Variants in TIMM44 observed in about 807,000 individuals in gnomAD.
The protein encoded by TIMM44 is mitochondrial import inner membrane translocase subunit TIM44.
A neutral mutation model predicts 63.8 loss-of-function variants in TIMM44; 37 were observed. That is an observed-to-expected ratio of 0.58 (90% CI 0.45 to 0.76). The LOEUF is 0.76. TIMM44 is among the 30% of genes least tolerant of loss of function. The pLI is 0.00. For missense variants in TIMM44, 573 were observed against 603.8 expected (o/e 0.95, Z 0.54); for synonymous variants, 239 against 245.1 (o/e 0.98, Z 0.23).
rs1451221219 is a variant in TIMM44, at chr19:7,933,718, C to T, written c.683+146G>A. On this transcript the variant is annotated intron_variant, in intron 6 of 12. Coordinates refer to ENST00000270538, the MANE Select transcript of TIMM44 (RefSeq NM_006351.4). The surrounding 1 kb of genome is among the most constrained non-coding windows in gnomAD (Gnocchi z 4.3). ...TGAGGACCCCGCCCTCACCTCTCAC[C>T]CTCAAATTCGAGGGAGCCGGGAACC... 7.2e-7 allele frequency: 1 copy of T among 1,393,420 alleles called. No individual in the cohort carries two copies. Among genetic ancestry groups the T allele is most frequent in the African/African-American group, 1.4e-5 (1 of 70,522 alleles). 86.3% of individuals were successfully genotyped at this position (1,393,420 alleles called of 1,614,324 possible).
intron 9 of TIMM44, 57 bp from the exon 10 acceptor site, chr19:7,931,245 C>T (rs959597222): frequency 9.9e-6 from 15 of 1,522,764 alleles, no homozygotes; most frequent in East Asian, 2.3e-5. Context: ...AGGCAGCAGG[C>T]GAGGTCCTGG....
rs745492097 is a variant in TIMM44, at chr19:7,927,780, CGA to C, written c.1129-15_1129-14del. 3.7e-6 allele frequency: 6 copies of C among 1,607,618 alleles called. No individual in the cohort carries two copies. In the African/African-American group the frequency reaches 5.3e-5, roughly 14 times the overall value. On this transcript the variant is annotated splice_polypyrimidine_tract_variant and intron_variant, in intron 11 of 12. Transcript: ENST00000270538. ...TGCCCATGGCCAGCTGCAGAGGGGC[CGA>C]GAGGGGGGATGTGCCTCAGAGGACA...
chr19:7,934,274 C>G lies in TIMM44; in HGVS notation c.394-36G>C. 1 of 1,606,134 alleles carries G rather than the reference C, an allele frequency of 6.2e-7. No individual in the cohort carries two copies. Among genetic ancestry groups the G allele is most frequent in the Non-Finnish European group, 8.5e-7 (1 of 1,179,638 alleles). On this transcript the variant is annotated intron_variant, in intron 4 of 12. Coordinates refer to ENST00000270538, the MANE Select transcript of TIMM44 (RefSeq NM_006351.4). The surrounding 1 kb of genome is among the most constrained non-coding windows in gnomAD (Gnocchi z 5.3). Reference sequence around the variant, plus strand: ...AGACACAGAGAGGGGGCGTTGGCACCGGCCCTGGCGGCCGGGGGGCGGGGC... The same window carrying G: ...AGACACAGAGAGGGGGCGTTGGCACGGGCCCTGGCGGCCGGGGGGCGGGGC...
Position 7,926,761 on chromosome 19 carries a change from C to A in TIMM44, c.*426G>T. Reference sequence around the variant, plus strand: ...TGTTTTATTCTTTCCAAATCTCAGGCTTATGCACAAGATGGAAGAGCACTG... The same window carrying A: ...TGTTTTATTCTTTCCAAATCTCAGGATTATGCACAAGATGGAAGAGCACTG... On this transcript the variant is annotated 3_prime_UTR_variant, in exon 13 of 13. Transcript: ENST00000270538. 1 of 257,170 alleles carries A rather than the reference C, an allele frequency of 3.9e-6. No individual in the cohort carries two copies. 15.9% of individuals were successfully genotyped at this position (257,170 alleles called of 1,614,324 possible).
Position 7,933,710 on chromosome 19 carries a change from C to T in TIMM44, c.684-140G>A. ...AGGGGCTCTGAGGACCCCGCCCTCA[C>T]CTCTCACCCTCAAATTCGAGGGAGC... On this transcript the variant is annotated intron_variant, in intron 6 of 12. Transcript: ENST00000270538. The surrounding 1 kb of genome is among the most constrained non-coding windows in gnomAD (Gnocchi z 4.3). 1 of 1,352,808 alleles carries T rather than the reference C, an allele frequency of 7.4e-7. No homozygotes were observed. The highest frequency in any genetic ancestry group is 1.0e-6 in the Non-Finnish European group (1 of 952,434). The allele number at this position is 1,352,808 out of a possible 1,614,324, so 83.8% of individuals were successfully genotyped here.
rs1984031386 is a variant in TIMM44, at chr19:7,932,964, G to C, written c.770-32C>G. On this transcript the variant is annotated intron_variant, in intron 7 of 12. Transcript: ENST00000270538. ...AAGATGGGGTAGGTGCTGGAGAAGG[G>C]GCCCCTTCCAGAAACACAACCCTCC... 4 of 1,591,064 alleles carry C rather than the reference G, an allele frequency of 2.5e-6. No homozygotes were observed. The East Asian group carries it at 8.9e-5, about 36-fold the overall frequency.
chr19:7,936,366 G>A (rs542217548), intron 3 of TIMM44, among the ~76,000 whole-genome samples: 279 of 152,010 alleles, frequency 1.8e-3, no homozygotes, highest in Non-Finnish European at 3.7e-3. Context: ...CAGGAGAATC[G>A]CTTGAACCCA....
intron 9 of TIMM44, 104 bp downstream of exon 9, chr19:7,932,523 G>T: frequency 6.6e-7 from 1 of 1,518,280 alleles, no homozygotes; most frequent in Non-Finnish European, 9.0e-7. Flanking sequence ...AAACAGCCTC[G>T]GCAGCAGAGT....
rs1223317119 is a variant in TIMM44, at chr19:7,934,082, G to C, written c.543+7C>G. The C allele has an allele frequency of 6.2e-7, 1 of 1,613,280 alleles. No homozygotes were observed. Among genetic ancestry groups the C allele is most frequent in the East Asian group, 2.2e-5 (1 of 44,858 alleles). ...GGCTGCATGCCCTAGCCCAGGACTG[G>C]GCTCACCTGGGAGAGGGCTCTGAAG... On this transcript the variant is annotated splice_region_variant and intron_variant, in intron 5 of 12. Transcript: ENST00000270538. The surrounding 1 kb of genome is among the most constrained non-coding windows in gnomAD (Gnocchi z 5.3).
intron 2 of TIMM44, among the ~76,000 whole-genome samples, chr19:7,940,460 A>G: frequency 6.6e-6 from 1 of 152,088 alleles, no homozygotes; most frequent in East Asian, 1.9e-4. Flanking sequence ...CAAGAAAGGG[A>G]AAGAGTCACA....
At chr19:7,935,240 A>T (rs1440884253) in intron 3 of TIMM44, 95 bp from the exon 4 acceptor site, 6 of 1,108,008 alleles carry the variant, frequency 5.4e-6, no homozygotes, top group Admixed American at 2.3e-5. Flanking sequence ...CTCTCGGCTC[A>T]CTGCAACTTC....
chr19:7,937,930 A>C, intron 3 of TIMM44, 97 bp downstream of exon 3: 4 of 1,444,364 alleles, frequency 2.8e-6, no homozygotes, highest in Non-Finnish European at 3.9e-6. Flanking sequence ...AGGCAGGGGA[A>C]TCACTTGAAC....
chr19:7,936,219 G>T (rs1984151222), intron 3 of TIMM44, among the ~76,000 whole-genome samples: 1 of 152,284 alleles, frequency 6.6e-6, no homozygotes. Flanking sequence ...GGGAGGCCAA[G>T]GCGGATGGAT....
Position 7,934,260 on chromosome 19 carries a change from G to A in TIMM44, c.394-22C>T. 1 of 1,609,526 alleles carries A rather than the reference G, an allele frequency of 6.2e-7. No individual in the cohort carries two copies. ...GGCTCTACTGAGACAGACACAGAGAGGGGGCGTTGGCACCGGCCCTGGCGG... is the reference window on the plus strand; with the variant it reads ...GGCTCTACTGAGACAGACACAGAGAAGGGGCGTTGGCACCGGCCCTGGCGG... On this transcript the variant is annotated intron_variant, in intron 4 of 12. Coordinates refer to ENST00000270538, the MANE Select transcript of TIMM44 (RefSeq NM_006351.4). The surrounding 1 kb of genome is among the most constrained non-coding windows in gnomAD (Gnocchi z 5.3).
chr19:7,939,977 G>A (rs981843469), intron 2 of TIMM44, among the ~76,000 whole-genome samples: 14 of 152,066 alleles, frequency 9.2e-5, no homozygotes, highest in Non-Finnish European at 1.6e-4. Flanking sequence ...GGAAGGGGCC[G>A]CCTGTGGTCA....
intron 2 of TIMM44, among the ~76,000 whole-genome samples, chr19:7,940,014 C>T (rs147860626): frequency 7.2e-4 from 110 of 152,276 alleles, no homozygotes; most frequent in African/African-American, 2.6e-3. Flanking sequence ...GTTGGGTATA[C>T]CAGCTCCAGG....
chr19:7,942,104 G>A (rs1984326951), intron 1 of TIMM44, among the ~76,000 whole-genome samples: 1 of 152,140 alleles, frequency 6.6e-6, no homozygotes, highest in African/African-American at 2.4e-5. Context: ...ATCCCAACAC[G>A]TTGGGAGGCT....
At chr19:7,939,247 A>G (rs1007602493) in intron 2 of TIMM44, among the ~76,000 whole-genome samples, 2 of 152,190 alleles carry the variant, frequency 1.3e-5, no homozygotes, top group African/African-American at 4.8e-5. Flanking sequence ...GAGGAGGGGC[A>G]TGGCAACTCT....
At chr19:7,927,350 G>T in intron 12 of TIMM44, 44 bp from the exon 13 acceptor site, 1 of 1,598,004 alleles carries the variant, frequency 6.3e-7, no homozygotes, top group South Asian at 1.1e-5. Flanking sequence ...GGGTTGAGGT[G>T]ACCCAGGCAG....
Sources: gnomAD v4.1 joint callset for allele counts (sites outside exome capture counted in the v4.1 genomes callset) on GRCh38, gnomAD v4.1.1 for gene constraint, Gnocchi (gnomAD v3.1) non-coding constraint, MANE v1.5 for transcripts, NCBI Gene and HGNC (gene_info 2026-07-23, HGNC 2026-07-21) for gene names.